The following LRRC7 variants were observed in gnomAD, a reference collection of about 807,000 sequenced individuals.
The protein encoded by LRRC7 is leucine-rich repeat-containing protein 7.
Under a neutral mutation model 175.7 loss-of-function variants are expected in LRRC7, and 23 were observed. The ratio of observed to expected loss-of-function variants is 0.13; its 90% CI spans 0.09 to 0.19. LRRC7 has a LOEUF of 0.19. LRRC7 is among the 10% of genes least tolerant of loss of function. The probability of loss-of-function intolerance (pLI) is 1.00; values close to 1 mark genes in which losing one functional copy is unlikely to be tolerated. For missense variants in LRRC7, 1,354 were observed against 1,904.7 expected, an observed-to-expected ratio of 0.71 and a Z score of 5.38; for synonymous variants, 685 against 680.9, an observed-to-expected ratio of 1.01 and a Z score of -0.09.
chr1:70,102,966 T>C (rs1356869207), intron 25 of LRRC7, among the ~76,000 whole-genome samples: 1 of 152,092 alleles, frequency 6.6e-6, no homozygotes, highest in Non-Finnish European at 1.5e-5. Flanking sequence ...CAGTGGCTCA[T>C]GCCTGTAATC....
chr1:69,610,053 T>C (rs919150050), intron 1 of LRRC7, among the ~76,000 whole-genome samples: 1 of 152,082 alleles, frequency 6.6e-6, no homozygotes, highest in African/African-American at 2.4e-5. Flanking sequence ...TAAAGAAAAA[T>C]CCTGATATAA....
chr1:69,660,634 A>T (rs1363452833), intron 1 of LRRC7, among the ~76,000 whole-genome samples: 1 of 152,106 alleles, frequency 6.6e-6, no homozygotes, highest in Non-Finnish European at 1.5e-5. Context: ...GGACTTAATG[A>T]AGGGATTCCA....
intron 24 of LRRC7, among the ~76,000 whole-genome samples, chr1:70,076,680 G>A (rs921566842): frequency 1.3e-5 from 2 of 152,182 alleles, no homozygotes; most frequent in African/African-American, 2.4e-5. Context: ...CAGTGTGAAA[G>A]TAAACTATAT....
At chr1:69,977,130 C>G (rs1431565345) in intron 8 of LRRC7, among the ~76,000 whole-genome samples, 1 of 152,184 alleles carries the variant, frequency 6.6e-6, no homozygotes, top group Non-Finnish European at 1.5e-5. Context: ...CACTCCCTCG[C>G]CCCCATATCC....
chr1:69,985,324 TAATTA>T lies in LRRC7; in HGVS notation c.787-916_787-912del, dbSNP rs1201484229. On this transcript the variant is annotated intron_variant, in intron 9 of 26. Coordinates refer to ENST00000651989, the MANE Select transcript of LRRC7 (RefSeq NM_001370785.2). ...CATTGAATGAGCAAAACATTGACTC[TAATTA>T]ATAGGGTAATCTCCAAAATTATAAT... Among the ~76,000 whole-genome samples the T allele has an allele frequency of 3.3e-5, 5 of 152,362 alleles. No individual in the cohort carries two copies. In the East Asian group the frequency reaches 7.7e-4, roughly 23 times the overall value.
At chr1:69,995,034 C>T (rs887619284) in intron 11 of LRRC7, among the ~76,000 whole-genome samples, 2 of 152,054 alleles carry the variant, frequency 1.3e-5, no homozygotes, top group Non-Finnish European at 2.9e-5. Context: ...GTATATGTTA[C>T]CATTACACTA....
rs999559207 is a variant in LRRC7, at chr1:70,127,321, C to G, written c.*5434C>G. ...GCAAGAGAATGGTTTGGAAACACTCCCTGGTAAGGATATAAATTGCACAGC... is the reference window on the plus strand; with the variant it reads ...GCAAGAGAATGGTTTGGAAACACTCGCTGGTAAGGATATAAATTGCACAGC... On this transcript the variant is annotated 3_prime_UTR_variant, in exon 27 of 27. Transcript: ENST00000651989. Among the ~76,000 whole-genome samples, 1 of 152,110 alleles carries G rather than the reference C, an allele frequency of 6.6e-6. No individual in the cohort carries two copies. Among genetic ancestry groups the G allele is most frequent in the African/African-American group, 2.4e-5 (1 of 41,414 alleles).
intron 13 of LRRC7, among the ~76,000 whole-genome samples, chr1:70,013,294 A>G (rs191794385): frequency 1.3e-5 from 2 of 152,062 alleles, no homozygotes; most frequent in Admixed American, 1.3e-4. Flanking sequence ...TCAAAAGCAT[A>G]TGTAATGTAT....
chr1:69,590,205 G>T (rs1009230296), intron 1 of LRRC7, among the ~76,000 whole-genome samples: 3 of 152,000 alleles, frequency 2.0e-5, no homozygotes, highest in African/African-American at 7.2e-5. Flanking sequence ...CCAAAATATA[G>T]GTAACAAATT....
intron 25 of LRRC7, among the ~76,000 whole-genome samples, chr1:70,092,065 C>G (rs765718823): frequency 1.9e-4 from 29 of 152,024 alleles, no homozygotes; most frequent in Non-Finnish European, 3.7e-4. Flanking sequence ...GAATTCAGTC[C>G]ACTCACAAGG....
intron 8 of LRRC7, among the ~76,000 whole-genome samples, chr1:69,970,361 A>G (rs1652109382): frequency 6.6e-6 from 1 of 152,238 alleles, no homozygotes; most frequent in Non-Finnish European, 1.5e-5. Context: ...GAAAAGATAA[A>G]TAAAACTGAT....
intron 7 of LRRC7, among the ~76,000 whole-genome samples, chr1:69,860,326 C>T (rs1684220694): frequency 6.6e-6 from 1 of 151,704 alleles, no homozygotes; most frequent in African/African-American, 2.4e-5. Context: ...TTTAAACTCA[C>T]AAAGTATAAT....
intron 7 of LRRC7, among the ~76,000 whole-genome samples, chr1:69,861,586 G>A (rs1023554617): frequency 3.3e-5 from 5 of 152,024 alleles, no homozygotes; most frequent in African/African-American, 9.7e-5. Context: ...GAGTAACCTC[G>A]CAAACAGATC....
At chr1:69,621,297 T>G (rs1650550344) in intron 1 of LRRC7, among the ~76,000 whole-genome samples, 1 of 152,100 alleles carries the variant, frequency 6.6e-6, no homozygotes, top group African/African-American at 2.4e-5. Context: ...CCACCCGCCT[T>G]GACCTCTCAA....
intron 1 of LRRC7, among the ~76,000 whole-genome samples, chr1:69,583,984 A>G (rs1467578784): frequency 9.9e-5 from 15 of 152,134 alleles, no homozygotes; most frequent in Admixed American, 9.8e-4. Flanking sequence ...GCAAAACGGC[A>G]GAGAAAAACA....
chr1:69,788,333 T>G, intron 3 of LRRC7, among the ~76,000 whole-genome samples: 1 of 152,204 alleles, frequency 6.6e-6, no homozygotes, highest in South Asian at 2.1e-4. Context: ...TTTTATACAA[T>G]AAAGCAGTGA....
chr1:69,920,188 G>A (rs3738120), intron 7 of LRRC7: 3 of 171,050 alleles, frequency 1.8e-5, no homozygotes, highest in East Asian at 3.4e-4. Flanking sequence ...AGATGCGAGG[G>A]CCCAGAGTTG....
At chr1:69,916,373 C>T (rs1646718185) in intron 7 of LRRC7, among the ~76,000 whole-genome samples, 1 of 146,790 alleles carries the variant, frequency 6.8e-6, no homozygotes, top group Non-Finnish European at 1.5e-5. Flanking sequence ...AAACATCTCA[C>T]CCAATATTTC....
chr1:69,893,664 G>A (rs1645899086), intron 7 of LRRC7, among the ~76,000 whole-genome samples: 1 of 152,132 alleles, frequency 6.6e-6, no homozygotes, highest in African/African-American at 2.4e-5. Flanking sequence ...AGCTCAGAAT[G>A]TTTCTATATG....
Sources: allele counts gnomAD v4.1 joint callset (sites outside exome capture counted in the v4.1 genomes callset), GRCh38; gene constraint gnomAD v4.1.1; transcripts MANE v1.5; gene names NCBI Gene and HGNC (gene_info 2026-07-23, HGNC 2026-07-21).